EBF1: variants seen among roughly 807,000 people sequenced by gnomAD.
EBF1 encodes the protein EBF transcription factor 1, also known as transcription factor COE1.
In EBF1, 10 loss-of-function variants were observed where a neutral mutation model predicts 68.4. That is an observed-to-expected ratio of 0.15 (90% CI 0.09 to 0.25). EBF1 has a LOEUF of 0.25. EBF1 is among the 10% of genes least tolerant of loss of function. The probability of loss-of-function intolerance (pLI) is 1.00; values close to 1 mark genes in which losing one functional copy is unlikely to be tolerated. For synonymous variants in EBF1, 298 were observed against 299.8 expected (o/e 0.99, Z 0.06); for missense variants, 509 against 794.4 (o/e 0.64, Z 4.32).
chr5:159,068,375 A>ATGGATGGG (rs1777199714), intron 6 of EBF1, among the ~76,000 whole-genome samples: 1 of 4,336 alleles, frequency 2.3e-4, no homozygotes, highest in South Asian at 3.4e-3. Flanking sequence ...GGGTGGGTGG[A>ATGGATGGG]TGGATGGATG....
chr5:158,838,601 T>C (rs928065403), intron 7 of EBF1, among the ~76,000 whole-genome samples: 1 of 152,174 alleles, frequency 6.6e-6, no homozygotes, highest in Admixed American at 6.5e-5. Context: ...TTAATAAGAC[T>C]AATAAGTCTC....
intron 10 of EBF1, among the ~76,000 whole-genome samples, chr5:158,743,650 G>A (rs1561803119): frequency 1.3e-5 from 2 of 152,134 alleles, no homozygotes; most frequent in Non-Finnish European, 2.9e-5. Flanking sequence ...AGATATTTTA[G>A]AATAAAATCT....
At chr5:158,834,205 C>T (rs1258149800) in intron 7 of EBF1, among the ~76,000 whole-genome samples, 2 of 152,180 alleles carry the variant, frequency 1.3e-5, no homozygotes, top group Admixed American at 1.3e-4. Context: ...AAATTTAAAT[C>T]TTAAGGTTGA....
At chr5:158,924,439 T>G (rs1446142368) in intron 6 of EBF1, among the ~76,000 whole-genome samples, 2 of 152,170 alleles carry the variant, frequency 1.3e-5, no homozygotes, top group African/African-American at 4.8e-5. Flanking sequence ...TTGTTCAACA[T>G]AGACATAGAT....
At chr5:159,063,213 T>C (rs1277661172) in intron 6 of EBF1, among the ~76,000 whole-genome samples, 1 of 152,186 alleles carries the variant, frequency 6.6e-6, no homozygotes, top group Admixed American at 6.6e-5. Flanking sequence ...AAAGCGCTCA[T>C]CTACCTGCCT....
chr5:158,926,243 T>C (rs1809667467), intron 6 of EBF1, among the ~76,000 whole-genome samples: 1 of 152,206 alleles, frequency 6.6e-6, no homozygotes, highest in Non-Finnish European at 1.5e-5. Context: ...TCATTTCTAT[T>C]TAGGTCTACT....
chr5:158,985,817 G>C (rs1758904427), intron 6 of EBF1: 1 of 152,304 alleles, frequency 6.6e-6, no homozygotes, highest in Non-Finnish European at 1.5e-5. Context: ...AGGCAGTCCA[G>C]CTTCCTAACT....
intron 6 of EBF1, among the ~76,000 whole-genome samples, chr5:159,060,072 A>G (rs1775507247): frequency 6.6e-6 from 1 of 152,250 alleles, no homozygotes; most frequent in Admixed American, 6.5e-5. Flanking sequence ...ACAAATACAG[A>G]AAATATAAAA....
chr5:158,722,152 C>T (rs1762060629), intron 11 of EBF1, among the ~76,000 whole-genome samples: 1 of 152,116 alleles, frequency 6.6e-6, no homozygotes, highest in Non-Finnish European at 1.5e-5. Flanking sequence ...CCTTGGAAAT[C>T]GACTTTCTGA....
intron 6 of EBF1, among the ~76,000 whole-genome samples, chr5:158,955,073 C>T (rs1211326487): frequency 6.6e-6 from 1 of 152,026 alleles, no homozygotes; most frequent in African/African-American, 2.4e-5. Flanking sequence ...GCCTGTAATC[C>T]CAGCACTTTG....
At chr5:158,749,051 G>T (rs1237593551) in intron 10 of EBF1, among the ~76,000 whole-genome samples, 1 of 152,162 alleles carries the variant, frequency 6.6e-6, no homozygotes, top group Non-Finnish European at 1.5e-5. Flanking sequence ...CCACAGCATG[G>T]CAATTCCCTG....
chr5:158,966,026 A>G (rs1754038743), intron 6 of EBF1, among the ~76,000 whole-genome samples: 1 of 152,202 alleles, frequency 6.6e-6, no homozygotes, highest in Admixed American at 6.5e-5. Flanking sequence ...TCTATCTGGG[A>G]CAAGGTAGAA....
intron 11 of EBF1, among the ~76,000 whole-genome samples, chr5:158,729,884 C>T (rs778044903): frequency 1.8e-4 from 27 of 152,312 alleles, no homozygotes; most frequent in South Asian, 4.1e-4. Context: ...TCTCCATGCG[C>T]CTCACCTCTG....
At chr5:158,735,571 G>A (rs149282522) in intron 10 of EBF1, among the ~76,000 whole-genome samples, 281 of 152,270 alleles carry the variant, frequency 1.8e-3, no homozygotes, top group Admixed American at 5.0e-3. Flanking sequence ...GCTGAGATTT[G>A]AGAAGGATCC....
chr5:159,062,523 A>C (rs1407743292), intron 6 of EBF1, among the ~76,000 whole-genome samples: 2 of 152,174 alleles, frequency 1.3e-5, no homozygotes, highest in Admixed American at 6.5e-5. Flanking sequence ...TAACCCTTCA[A>C]TCTCCAGAGT....
At chr5:158,850,518 C>G (rs1257789923) in intron 6 of EBF1, among the ~76,000 whole-genome samples, 1 of 152,158 alleles carries the variant, frequency 6.6e-6, no homozygotes, top group Non-Finnish European at 1.5e-5. Context: ...CGTACTCTTT[C>G]CTGTGGGATG....
intron 6 of EBF1, among the ~76,000 whole-genome samples, chr5:158,900,505 C>T (rs969555518): frequency 1.5e-4 from 23 of 152,286 alleles, no homozygotes; most frequent in African/African-American, 5.3e-4. Flanking sequence ...GCATGAGGCC[C>T]GGAAATTGAT....
intron 6 of EBF1, among the ~76,000 whole-genome samples, chr5:158,902,649 GTCTC>G (rs1455053407): frequency 9.3e-5 from 14 of 150,246 alleles, no homozygotes; most frequent in African/African-American, 2.7e-4. Flanking sequence ...TAGAGACAAG[GTCTC>G]TCTATGTTGC....
intron 4 of EBF1, among the ~76,000 whole-genome samples, chr5:159,090,625 A>T (rs946712490): frequency 6.6e-6 from 1 of 152,170 alleles, no homozygotes; most frequent in Non-Finnish European, 1.5e-5. Context: ...TTTAGAATGC[A>T]TCTTTTATGT....
Sources: allele counts gnomAD v4.1 joint callset (sites outside exome capture counted in the v4.1 genomes callset), GRCh38; gene constraint gnomAD v4.1.1; transcripts MANE v1.5; gene names NCBI Gene and HGNC (gene_info 2026-07-23, HGNC 2026-07-21).